Variants in PRKN observed in about 807,000 individuals in gnomAD.
PRKN encodes the protein E3 ubiquitin-protein ligase parkin.
In PRKN, 56 loss-of-function variants were observed where a neutral mutation model predicts 59.5. The observed-to-expected ratio is 0.94, with a 90% CI of 0.76 to 1.18. The LOEUF (loss-of-function observed/expected upper bound fraction) is 1.18, where lower values mean the gene tolerates loss of function less well. Among genes scored for constraint, PRKN ranks in the 50% most tolerant of loss-of-function variants. The probability of loss-of-function intolerance (pLI) is 0.00; values close to 1 mark genes in which losing one functional copy is unlikely to be tolerated. For synonymous variants in PRKN, 250 were observed against 222.1 expected, an observed-to-expected ratio of 1.13 and a Z score of -1.12; for missense variants, 657 against 596.4, an observed-to-expected ratio of 1.10 and a Z score of -1.06.
Position 161,423,005 on chromosome 6 carries a change from T to C in PRKN, c.1084-36128A>G, listed in dbSNP as rs1035903743. 3.3e-5 allele frequency among the ~76,000 whole-genome samples: 5 copies of C among 152,212 alleles called. No homozygotes were observed. Among genetic ancestry groups the C allele is most frequent in the African/African-American group, 9.7e-5 (4 of 41,442 alleles). On this transcript the variant is annotated intron_variant, in intron 9 of 11. Coordinates refer to ENST00000366898, the MANE Select transcript of PRKN (RefSeq NM_004562.3). The surrounding 1 kb of genome is among the most constrained non-coding windows in gnomAD (Gnocchi z 5.9). ...CATGCATTCAGACATTTTATTTGTG[T>C]CTTTTAGAAAGCATTTATATTTCCT...
chr6:162,609,948 T>C (rs1014059776), intron 1 of PRKN, among the ~76,000 whole-genome samples: 1 of 152,188 alleles, frequency 6.6e-6, no homozygotes, highest in Admixed American at 6.5e-5. Flanking sequence ...ATTAATTACA[T>C]GGATACGTTT....
intron 4 of PRKN, among the ~76,000 whole-genome samples, chr6:162,194,952 G>A (rs967869124): frequency 5.3e-5 from 8 of 151,930 alleles, no homozygotes; most frequent in Non-Finnish European, 1.2e-4. Flanking sequence ...GCGTCCACAA[G>A]GCCAAGAGAA....
chr6:162,318,492 A>T (rs182185362), intron 2 of PRKN, among the ~76,000 whole-genome samples: 1 of 152,184 alleles, frequency 6.6e-6, no homozygotes, highest in African/African-American at 2.4e-5. Context: ...TAGAAATGAA[A>T]TTGCTGGGTG....
At position 161,459,878 on chromosome 6, in the gene PRKN, G is replaced by T. The variant is rs538655925; in HGVS notation, c.1084-73001C>A. The stretch of plus-strand genomic sequence containing the variant: ...ATGGGTCAGCAGAAACTATTATATT[G>T]AAAGTTGGTTTCTTGGTGCTGCTTA... On this transcript the variant is annotated intron_variant, in intron 9 of 11. Coordinates refer to ENST00000366898, the MANE Select transcript of PRKN (RefSeq NM_004562.3). The surrounding 1 kb of genome is among the most constrained non-coding windows in gnomAD (Gnocchi z 4.8). Among the ~76,000 whole-genome samples the T allele has an allele frequency of 2.0e-5, 3 of 152,054 alleles. No homozygotes were observed. Among genetic ancestry groups the T allele is most frequent in the South Asian group, 2.1e-4 (1 of 4,822 alleles).
At chr6:162,463,211 T>C (rs1412326979) in intron 1 of PRKN, among the ~76,000 whole-genome samples, 1 of 152,212 alleles carries the variant, frequency 6.6e-6, no homozygotes, top group Non-Finnish European at 1.5e-5. Context: ...TATTAAATGA[T>C]GAGAATGTTC....
At chr6:162,271,080 A>C (rs1318153709) in intron 2 of PRKN, among the ~76,000 whole-genome samples, 1 of 149,890 alleles carries the variant, frequency 6.7e-6, no homozygotes, top group African/African-American at 2.5e-5. Context: ...CTGGTCTCAA[A>C]TTCTCAAATT....
intron 7 of PRKN, among the ~76,000 whole-genome samples, chr6:161,696,826 A>G (rs1786042280): frequency 6.6e-6 from 1 of 152,192 alleles, no homozygotes; most frequent in Non-Finnish European, 1.5e-5. Context: ...TTATTGTAAA[A>G]AATGATATTT....
chr6:161,775,568 A>G (rs1025922626), intron 7 of PRKN, among the ~76,000 whole-genome samples: 1 of 152,174 alleles, frequency 6.6e-6, no homozygotes, highest in Non-Finnish European at 1.5e-5. Flanking sequence ...GCAACTAATT[A>G]TGTTGAATTT....
In PRKN at chr6:162,693,095, A is replaced by G. The variant is rs369767235; in HGVS notation, c.7+34567T>C. Among the ~76,000 whole-genome samples, 7 of 152,334 alleles carry G rather than the reference A, an allele frequency of 4.6e-5. No individual in the cohort carries two copies. The East Asian group carries it at 1.2e-3, about 25-fold the overall frequency. ...TTTGATATTTAGGCCAATTACAGTA[A>G]TAAACATTAAATAAAAGAGACTGAC... is the stretch of plus-strand genomic sequence containing the variant. On this transcript the variant is annotated intron_variant, in intron 1 of 11. Transcript: ENST00000366898.
chr6:161,651,522 T>C (rs1429699464), intron 7 of PRKN, among the ~76,000 whole-genome samples: 2 of 152,194 alleles, frequency 1.3e-5, no homozygotes, highest in East Asian at 1.9e-4. Flanking sequence ...TTCACTATGA[T>C]ATCTTTAGGG....
intron 2 of PRKN, among the ~76,000 whole-genome samples, chr6:162,437,554 C>T (rs1290560434): frequency 6.6e-6 from 1 of 152,110 alleles, no homozygotes; most frequent in Non-Finnish European, 1.5e-5. Flanking sequence ...CTTCTGTTAC[C>T]CTTTCACAGT....
intron 10 of PRKN, among the ~76,000 whole-genome samples, chr6:161,364,829 G>A (rs534156222): frequency 4.4e-4 from 67 of 151,904 alleles, no homozygotes; most frequent in African/African-American, 1.4e-3. Flanking sequence ...TACTCGAAAG[G>A]CTGAGGCAGG....
chr6:162,721,453 C>T (rs987064555), intron 1 of PRKN, among the ~76,000 whole-genome samples: 5 of 152,162 alleles, frequency 3.3e-5, no homozygotes, highest in African/African-American at 1.2e-4. Flanking sequence ...AACTTTAAAC[C>T]TACCTCCTTG....
chr6:161,433,695 T>A (rs576898954), intron 9 of PRKN, among the ~76,000 whole-genome samples: 42 of 152,212 alleles, frequency 2.8e-4, no homozygotes, highest in South Asian at 1.5e-3. Context: ...ATTTAAAAGA[T>A]TGCTGTCTCT....
intron 3 of PRKN, among the ~76,000 whole-genome samples, chr6:162,230,100 G>C (rs1379461867): frequency 6.6e-6 from 1 of 152,158 alleles, no homozygotes; most frequent in Admixed American, 6.5e-5. Context: ...TTATTGTAAA[G>C]GTAAACTGAA....
Position 161,562,024 on chromosome 6 carries a change from A to G in PRKN, c.933+7331T>C, listed in dbSNP as rs1419325728. Among the ~76,000 whole-genome samples the G allele has an allele frequency of 1.3e-5, 2 of 152,016 alleles. No individual in the cohort carries two copies. On this transcript the variant is annotated intron_variant, in intron 8 of 11. Coordinates refer to ENST00000366898, the MANE Select transcript of PRKN (RefSeq NM_004562.3). This position sits in a 1 kb window ranked among gnomAD's most constrained non-coding sequence, Gnocchi z 4.3. ...TCAGTAGCATTCAACACAAATCACC[A>G]TTCCTCCTCTGGAAGGCCCGCCTTC...
chr6:161,897,966 C>A (rs868371470), intron 6 of PRKN, among the ~76,000 whole-genome samples: 252 of 38,236 alleles, frequency 6.6e-3, no homozygotes, highest in East Asian at 7.6e-3. Context: ...GACTCCGTCT[C>A]AAAAAAAAAA....
intron 3 of PRKN, among the ~76,000 whole-genome samples, chr6:162,232,465 T>C (rs953480911): frequency 1.3e-5 from 2 of 152,198 alleles, no homozygotes; most frequent in African/African-American, 2.4e-5. Context: ...GTTTATCAAA[T>C]GGCCAGTTGA....
At chr6:162,349,338 C>T (rs1043062718) in intron 2 of PRKN, among the ~76,000 whole-genome samples, 2 of 151,982 alleles carry the variant, frequency 1.3e-5, no homozygotes, top group Admixed American at 6.6e-5. Flanking sequence ...TGTTGGCATG[C>T]GCCTGAAATC....
Sources: gnomAD v4.1 joint callset for allele counts (sites outside exome capture counted in the v4.1 genomes callset) on GRCh38, gnomAD v4.1.1 for gene constraint, Gnocchi (gnomAD v3.1) non-coding constraint, MANE v1.5 for transcripts, NCBI Gene and HGNC (gene_info 2026-07-23, HGNC 2026-07-21) for gene names.